Variants in SAMM50 observed in about 807,000 individuals in gnomAD.
SAMM50 encodes the protein sorting and assembly machinery component 50 homolog.
A neutral mutation model predicts 66.9 loss-of-function variants in SAMM50; 47 were observed. The observed-to-expected ratio is 0.70, with a 90% CI of 0.56 to 0.90. The LOEUF is 0.90. Among genes scored for constraint, SAMM50 ranks in the 40% least tolerant of loss-of-function variants. SAMM50 has a pLI of 0.00. For missense variants in SAMM50, 535 were observed against 595.3 expected, an observed-to-expected ratio of 0.90 and a Z score of 1.05; for synonymous variants, 191 against 214.1, an observed-to-expected ratio of 0.89 and a Z score of 0.94.
At chr22:43,989,575 A>T (rs970179884) in intron 13 of SAMM50, among the ~76,000 whole-genome samples, 12 of 152,016 alleles carry the variant, frequency 7.9e-5, no homozygotes, top group Non-Finnish European at 1.6e-4. Flanking sequence ...TGACCTCGTG[A>T]TCCACACCCC....
intron 12 of SAMM50, chr22:43,988,229 G>C (rs1035325795): frequency 6.6e-6 from 1 of 152,164 alleles, no homozygotes; most frequent in Non-Finnish European, 1.5e-5. Context: ...CAGAGCTCTC[G>C]TGTTGAAAGG....
intron 12 of SAMM50, chr22:43,986,749 C>G (rs936612032): frequency 6.6e-6 from 1 of 151,962 alleles, no homozygotes; most frequent in African/African-American, 2.4e-5. Flanking sequence ...GATGGGGTTT[C>G]GCCGTGTTGG....
chr22:43,978,430 C>A (rs1241382169), intron 10 of SAMM50, among the ~76,000 whole-genome samples: 2 of 25,396 alleles, frequency 7.9e-5, no homozygotes, highest in Non-Finnish European at 1.3e-4. Flanking sequence ...GAGACTCCTT[C>A]TCAAAAAAAA....
intron 10 of SAMM50, among the ~76,000 whole-genome samples, chr22:43,980,442 G>A (rs565225908): frequency 6.6e-6 from 1 of 151,636 alleles, no homozygotes; most frequent in Non-Finnish European, 1.5e-5. Flanking sequence ...AGGGTGGCTA[G>A]TAAGGCAACC....
chr22:43,989,552 G>A (rs891537326), intron 13 of SAMM50, among the ~76,000 whole-genome samples: 1 of 150,688 alleles, frequency 6.6e-6, no homozygotes, highest in Non-Finnish European at 1.5e-5. Context: ...TGGCCAGGAT[G>A]GTCTCGATCT....
rs142922117 is a variant in SAMM50, at chr22:43,976,174, A to G, written c.768A>G (p.Ser256=). 1.1e-5 allele frequency: 17 copies of G among 1,604,662 alleles called. No individual in the cohort carries two copies. In the East Asian group the frequency reaches 2.9e-4, roughly 28 times the overall value. ...VRKESGHSLK[S]SLSHAMVIDS... ...AAGAAAGCGGACATTCACTGAAATC[A>G]TCTCTTTCGGTAACGGTTTCTCTTA... The change falls in exon 8 of 15, where the codon TCA becomes TCG. Residue 256 remains serine, a synonymous_variant. Transcript: ENST00000350028.
At chr22:43,976,668 T>TAGATCTCG in intron 8 of SAMM50, 82 bp from the exon 9 acceptor site, 1 of 962,286 alleles carries the variant, frequency 1.0e-6, no homozygotes, top group Admixed American at 1.8e-5. Context: ...GCTAGCGTGG[T>TAGATCTCG]GTGGCCCACG....
chr22:43,964,907 C>T lies in SAMM50; in HGVS notation c.234+354C>T, dbSNP rs920095358. ...GTTCCTGAGAGTGTACTCTCCCTTG[C>T]CAACCCCGTGGGGTGGGCGCTTATC... On this transcript the variant is annotated intron_variant, in intron 3 of 14. Transcript: ENST00000350028. Among the ~76,000 whole-genome samples the T allele has an allele frequency of 3.3e-5, 5 of 152,286 alleles. No individual in the cohort carries two copies. The South Asian group carries it at 8.3e-4, about 25-fold the overall frequency.
At position 43,983,266 on chromosome 22, in the gene SAMM50, T is replaced by C. The variant is rs1314535644; in HGVS notation, c.1008-667T>C. Among the ~76,000 whole-genome samples, 1 of 152,216 alleles carries C rather than the reference T, an allele frequency of 6.6e-6. No individual in the cohort carries two copies. Among genetic ancestry groups the C allele is most frequent in the Non-Finnish European group, 1.5e-5 (1 of 68,040 alleles). ...GATTACACAGAATTTCTCTTGTCAT[T>C]TAAATTCATTTTTTAGTAATTATCA... On this transcript the variant is annotated intron_variant, in intron 11 of 14. Transcript: ENST00000350028. The surrounding 1 kb of genome is among the most constrained non-coding windows in gnomAD (Gnocchi z 4.2).
At chr22:43,974,051 A>G (rs1381418437) in intron 7 of SAMM50, among the ~76,000 whole-genome samples, 2 of 150,416 alleles carry the variant, frequency 1.3e-5, no homozygotes, top group African/African-American at 4.9e-5. Context: ...TCCTTTCGCC[A>G]CTGTTCCTGA....
intron 14 of SAMM50, chr22:43,995,495 C>T (rs576952277): frequency 6.6e-5 from 10 of 152,372 alleles, no homozygotes; most frequent in East Asian, 1.9e-4. Flanking sequence ...GTTGAGGTCC[C>T]TAGGTTAGGC....
chr22:43,965,909 G>C (rs2050170823), intron 3 of SAMM50, among the ~76,000 whole-genome samples: 1 of 152,156 alleles, frequency 6.6e-6, no homozygotes, highest in Admixed American at 6.5e-5. Context: ...CGTGAACACA[G>C]CTCACTGCAG....
intron 13 of SAMM50, 74 bp from the exon 14 acceptor site, chr22:43,990,191 G>GGCTT: frequency 6.3e-7 from 1 of 1,581,874 alleles, no homozygotes; most frequent in Middle Eastern, 1.8e-4. Context: ...GGGGAGCCAG[G>GGCTT]GCTTGTCTGG....
chr22:43,971,210 G>A (rs1243434466), intron 4 of SAMM50, among the ~76,000 whole-genome samples: 1 of 152,220 alleles, frequency 6.6e-6, no homozygotes, highest in Non-Finnish European at 1.5e-5. Context: ...CCCTAGAACT[G>A]TTGGACCTGA....
Position 43,996,453 on chromosome 22 carries a change from C to A in SAMM50, c.*70C>A. 1 of 1,420,036 alleles carries A rather than the reference C, an allele frequency of 7.0e-7. No individual in the cohort carries two copies. Among genetic ancestry groups the A allele is most frequent in the Non-Finnish European group, 1.0e-6 (1 of 1,003,516 alleles). 88.0% of individuals were successfully genotyped at this position (1,420,036 alleles called of 1,614,324 possible). On this transcript the variant is annotated 3_prime_UTR_variant, in exon 15 of 15. Coordinates refer to ENST00000350028, the MANE Select transcript of SAMM50 (RefSeq NM_015380.5). ...GGCGCCCATGCCACACACCGTCTCTCGAGGAAACGCGGTTCAGCGATTCTT... is the reference window on the plus strand; with the variant it reads ...GGCGCCCATGCCACACACCGTCTCTAGAGGAAACGCGGTTCAGCGATTCTT...
In SAMM50 at chr22:43,973,167, G is replaced by T. The variant is rs2050212740; in HGVS notation, c.561-69G>T. The T allele has an allele frequency of 4.1e-5, 54 of 1,327,696 alleles. No individual in the cohort carries two copies. The South Asian group carries it at 6.1e-4, about 15-fold the overall frequency. The allele number at this position is 1,327,696 out of a possible 1,614,324, so 82.2% of individuals were successfully genotyped here. ...GCCCTACGGGCGTAGTGTTAAGTCT[G>T]TTGATTTAAATGTGTGCAAGTTCTA... On this transcript the variant is annotated intron_variant, in intron 6 of 14. Coordinates refer to ENST00000350028, the MANE Select transcript of SAMM50 (RefSeq NM_015380.5).
intron 8 of SAMM50, among the ~76,000 whole-genome samples, chr22:43,976,433 G>A (rs2050232466): frequency 6.6e-6 from 1 of 152,230 alleles, no homozygotes; most frequent in African/African-American, 2.4e-5. Context: ...TCAAAAAGAA[G>A]GAGGAACCAG....
chr22:43,980,148 C>T (rs2146820545), intron 10 of SAMM50, among the ~76,000 whole-genome samples: 1 of 20,288 alleles, frequency 4.9e-5, no homozygotes, highest in Admixed American at 5.8e-4. Context: ...ATCCATCCAT[C>T]CATCCATCCA....
intron 3 of SAMM50, among the ~76,000 whole-genome samples, chr22:43,965,490 G>A (rs2050168401): frequency 6.6e-6 from 1 of 152,134 alleles, no homozygotes; most frequent in Non-Finnish European, 1.5e-5. Context: ...TTACAGCCAT[G>A]AGCCACCGTG....
Sources: gnomAD v4.1 joint callset for allele counts (sites outside exome capture counted in the v4.1 genomes callset) on GRCh38, gnomAD v4.1.1 for gene constraint, Gnocchi (gnomAD v3.1) non-coding constraint, MANE v1.5 for transcripts, NCBI Gene and HGNC (gene_info 2026-07-23, HGNC 2026-07-21) for gene names.